The following SEMA5B variants were observed in gnomAD, a reference collection of about 807,000 sequenced individuals.
SEMA5B encodes semaphorin 5B, also known as semaphorin-5B.
A neutral mutation model predicts 135.0 loss-of-function variants in SEMA5B; 66 were observed. The ratio of observed to expected loss-of-function variants is 0.49; its 90% CI spans 0.40 to 0.60. The LOEUF (loss-of-function observed/expected upper bound fraction) is 0.60, where lower values mean the gene tolerates loss of function less well. Among genes scored for constraint, SEMA5B ranks in the 20% least tolerant of loss-of-function variants. The pLI is 0.00. For synonymous variants in SEMA5B, 690 were observed against 639.5 expected (o/e 1.08, Z -1.19); for missense variants, 1,501 against 1,566.3 (o/e 0.96, Z 0.70).
chr3:122,944,442 C>T (rs181472232), intron 3 of SEMA5B, among the ~76,000 whole-genome samples: 10 of 152,302 alleles, frequency 6.6e-5, no homozygotes, highest in Admixed American at 2.6e-4. Context: ...GGTAGTTTGC[C>T]CTGGGGGCCA....
chr3:122,946,138 GTCAAT>G (rs1939784458), intron 3 of SEMA5B, among the ~76,000 whole-genome samples: 1 of 152,202 alleles, frequency 6.6e-6, no homozygotes, highest in Non-Finnish European at 1.5e-5. Context: ...TTTAATTATA[GTCAAT>G]TCAATTACCC....
intron 1 of SEMA5B, among the ~76,000 whole-genome samples, chr3:123,015,833 A>G (rs1319624643): frequency 6.6e-6 from 1 of 152,164 alleles, no homozygotes. Flanking sequence ...TGCAGCTCCA[A>G]AGAGGGTCCA....
At chr3:122,959,001 T>C (rs1041030541) in intron 2 of SEMA5B, among the ~76,000 whole-genome samples, 1 of 152,108 alleles carries the variant, frequency 6.6e-6, no homozygotes, top group Non-Finnish European at 1.5e-5. Flanking sequence ...TGACCAAAAG[T>C]TTAACAAGAA....
intron 22 of SEMA5B, 82 bp from the exon 23 acceptor site, chr3:122,910,383 G>T: frequency 6.9e-7 from 1 of 1,445,846 alleles, no homozygotes; most frequent in Non-Finnish European, 9.6e-7. Context: ...GAGTCCAGAA[G>T]CCAGCCGTGC....
chr3:122,997,518 T>TCCCCCCCC (rs1553785271), intron 1 of SEMA5B, among the ~76,000 whole-genome samples: 3 of 142,872 alleles, frequency 2.1e-5, no homozygotes, highest in African/African-American at 5.2e-5. Flanking sequence ...CCCAGGCCTC[T>TCCCCCCCC]CCCCCCCCCG....
At position 122,912,930 on chromosome 3, in the gene SEMA5B, A is replaced by C. The variant is rs1261615705; in HGVS notation, c.2638T>G (p.Cys880Gly). The C allele has an allele frequency of 4.3e-6, 7 of 1,612,938 alleles. No homozygotes were observed. The highest frequency in any genetic ancestry group is 5.9e-6 in the Non-Finnish European group (7 of 1,179,536). The change falls in exon 18 of 23, where the codon TGC becomes GGC. Residue 880 changes from cysteine to glycine, a missense_variant. Around this residue, in one of 2 missense-constraint regions of SEMA5B, gnomAD observed 927 missense variants for 881.6 expected, o/e 1.05. Transcript: ENST00000357599. ...CCGTTGCGGGGCTCCGGGTTAGTGC[A>C]CGTTCTCTTGCGGACGCGGAAGCCC... ...ELGFRVRKRT[C>G]TNPEPRNGGL...
chr3:122,985,332 T>TA (rs761214455), intron 1 of SEMA5B, among the ~76,000 whole-genome samples: 12 of 151,810 alleles, frequency 7.9e-5, no homozygotes, highest in East Asian at 3.9e-4. Flanking sequence ...GTCTCTAAAT[T>TA]AAAAAAATTT....
At position 122,922,284 on chromosome 3, in the gene SEMA5B, A is replaced by C; in HGVS notation, c.1436T>G (p.Val479Gly). 6.2e-7 allele frequency: 1 copy of C among 1,614,062 alleles called. No homozygotes were observed. Among genetic ancestry groups the C allele is most frequent in the Non-Finnish European group, 8.5e-7 (1 of 1,179,946 alleles). ...ATGGTAGAGCGTGTCTTTAGCCTGC[A>C]CCAGGTCCACCACGAGGTGTGAGAA... ...VRFSHLVVDL[V>G]QAKDTLYHVL... is the part of the protein sequence containing the mutation. The change falls in exon 11 of 23, where the codon GTG (valine) becomes GGG (glycine). Residue 479 changes from valine (V) to glycine (G), a missense_variant. Transcript: ENST00000357599.
chr3:122,950,997 G>A (rs1027857944), intron 2 of SEMA5B, among the ~76,000 whole-genome samples: 6 of 152,076 alleles, frequency 3.9e-5, no homozygotes, highest in South Asian at 4.2e-4. Context: ...GCAGTGGCAC[G>A]ATCATGGCTC....
At chr3:122,979,833 C>G (rs1396532180) in intron 1 of SEMA5B, among the ~76,000 whole-genome samples, 2 of 152,240 alleles carry the variant, frequency 1.3e-5, no homozygotes, top group Non-Finnish European at 2.9e-5. Context: ...TTTAAGGGAA[C>G]ATTTCTAACA....
chr3:122,922,150 G>A (rs1334058869), intron 11 of SEMA5B, 28 bp from the exon 12 acceptor site: 1 of 1,542,696 alleles, frequency 6.5e-7, no homozygotes, highest in Admixed American at 1.9e-5. Context: ...CCAGACCAAG[G>A]TGGCCTTGAA....
intron 1 of SEMA5B, among the ~76,000 whole-genome samples, chr3:122,992,495 C>T (rs1016551912): frequency 6.6e-6 from 1 of 152,156 alleles, no homozygotes; most frequent in African/African-American, 2.4e-5. Flanking sequence ...CCTCCACATG[C>T]TTTTAGACAC....
chr3:122,964,166 A>C (rs57347971), intron 1 of SEMA5B, among the ~76,000 whole-genome samples: 37,488 of 151,940 alleles, frequency 0.25, 5,083 homozygotes, highest in East Asian at 0.52. Context: ...CATTGGTCCT[A>C]CAATTTCCCC....
intron 2 of SEMA5B, among the ~76,000 whole-genome samples, chr3:122,954,414 C>G (rs1318010360): frequency 6.6e-6 from 1 of 152,232 alleles, no homozygotes; most frequent in Admixed American, 6.5e-5. Context: ...TTTACTTAAT[C>G]CCGTTGGAGT....
At chr3:123,015,696 T>C (rs1429424904) in intron 1 of SEMA5B, among the ~76,000 whole-genome samples, 2 of 152,158 alleles carry the variant, frequency 1.3e-5, no homozygotes, top group African/African-American at 4.8e-5. Context: ...AATAATTATA[T>C]TAGGCATTGT....
chr3:122,998,588 C>T (rs1011031880), intron 1 of SEMA5B, among the ~76,000 whole-genome samples: 1 of 152,140 alleles, frequency 6.6e-6, no homozygotes, highest in African/African-American at 2.4e-5. Flanking sequence ...TCCACTCCAC[C>T]CCACAAAGCT....
At chr3:122,972,571 T>A (rs1488935451) in intron 1 of SEMA5B, among the ~76,000 whole-genome samples, 1 of 152,198 alleles carries the variant, frequency 6.6e-6, no homozygotes, top group East Asian at 1.9e-4. Flanking sequence ...CTCAGCCCTT[T>A]AACCACTGGC....
chr3:122,969,459 C>G (rs536735636), intron 1 of SEMA5B, among the ~76,000 whole-genome samples: 1 of 152,324 alleles, frequency 6.6e-6, no homozygotes, highest in Non-Finnish European at 1.5e-5. Flanking sequence ...GAGCTTCCTC[C>G]CTGCGTCCTA....
At chr3:122,922,494 C>T (rs1271769836) in intron 10 of SEMA5B, 47 bp from the exon 11 acceptor site, 1 of 1,511,868 alleles carries the variant, frequency 6.6e-7, no homozygotes, top group Non-Finnish European at 8.9e-7. Context: ...CCAGGGCTGC[C>T]GCCATCCCCC....
Sources: gnomAD v4.1 joint callset for allele counts (sites outside exome capture counted in the v4.1 genomes callset) on GRCh38, gnomAD v4.1.1 for gene constraint, gnomAD v4.1.1 regional missense constraint, MANE v1.5 for transcripts, NCBI Gene and HGNC (gene_info 2026-07-23, HGNC 2026-07-21) for gene names.